The following NAP1L1 variants were observed in gnomAD, a reference collection of about 807,000 sequenced individuals.
NAP1L1 encodes nucleosome assembly protein 1-like 1.
A neutral mutation model predicts 58.9 loss-of-function variants in NAP1L1; 9 were observed. The observed-to-expected ratio is 0.15, with a 90% confidence interval of 0.09 to 0.27. NAP1L1 has a LOEUF of 0.27. NAP1L1 is among the 10% of genes least tolerant of loss of function. The pLI is 1.00. For missense variants in NAP1L1, 302 were observed against 458.8 expected (o/e 0.66, Z 3.12); for synonymous variants, 130 against 138.3 (o/e 0.94, Z 0.42).
chr12:76,067,842 T>C (rs920748940), intron 3 of NAP1L1, among the ~76,000 whole-genome samples: 3 of 152,198 alleles, frequency 2.0e-5, no homozygotes, highest in Non-Finnish European at 2.9e-5. Flanking sequence ...AGACAACACA[T>C]ATCAGAAAAC....
At chr12:76,066,084 TGGA>T (rs926368118) in intron 4 of NAP1L1, among the ~76,000 whole-genome samples, 9 of 145,016 alleles carry the variant, frequency 6.2e-5, no homozygotes, top group Admixed American at 2.1e-4. Flanking sequence ...CTCATGTCAC[TGGA>T]GGAGGACCCA....
Position 76,068,957 on chromosome 12 carries a change from C to T in NAP1L1, c.55G>A (p.Val19Ile), listed in dbSNP as rs1176327761. 1 of 1,613,318 alleles carries T rather than the reference C, an allele frequency of 6.2e-7. No homozygotes were observed. The highest frequency in any genetic ancestry group is 1.3e-5 in the African/African-American group (1 of 74,884). ...GTTTCCTCTTCTTCTACTTCTTCAA[C>T]ATCATCCAAATCTTGATCAAGTTCA... ...QSELDQDLDD[V>I]EEVEEEETGE... Residue 19 changes from valine to isoleucine, a missense_variant, in exon 3 of 15, where the codon GTT (valine) becomes ATT (isoleucine). Transcript: ENST00000618691.
intron 2 of NAP1L1, among the ~76,000 whole-genome samples, chr12:76,071,398 G>A (rs1451556905): frequency 6.6e-6 from 1 of 152,190 alleles, no homozygotes; most frequent in African/African-American, 2.4e-5. Flanking sequence ...GCAAAGTTAA[G>A]ATGGCAGATG....
chr12:76,072,119 C>G (rs1323081810), intron 2 of NAP1L1, among the ~76,000 whole-genome samples: 1 of 150,182 alleles, frequency 6.7e-6, no homozygotes, highest in Non-Finnish European at 1.5e-5. Context: ...TCCCTACACC[C>G]CACCCAATCC....
At position 76,040,796 on chromosome 12, in the gene NAP1L1, C is replaced by T. The variant is rs1353730717; in HGVS notation, c.*7633G>A. The T allele has an allele frequency of 6.6e-6, 1 of 152,256 alleles. No individual in the cohort carries two copies. Among genetic ancestry groups the T allele is most frequent in the Non-Finnish European group, 1.5e-5 (1 of 68,062 alleles). 9.4% of individuals were successfully genotyped at this position (152,256 alleles called of 1,614,324 possible). ...CAGGCTGGTCTCGAACTTGTAACCT[C>T]AAGTCACTGGCCCGCCTCAGCCTCC... On this transcript the variant is annotated 3_prime_UTR_variant, in exon 15 of 15. Coordinates refer to ENST00000618691, the MANE Select transcript of NAP1L1 (RefSeq NM_004537.7).
chr12:76,069,779 GAGA>G (rs1164799031), intron 2 of NAP1L1, among the ~76,000 whole-genome samples: 7 of 151,578 alleles, frequency 4.6e-5, no homozygotes, highest in Non-Finnish European at 1.0e-4. Flanking sequence ...ACCATTCAAA[GAGA>G]AGGTTAAAAA....
At position 76,074,207 on chromosome 12, in the gene NAP1L1, C is replaced by T. The variant is rs781266736; in HGVS notation, c.13G>A (p.Asp5Asn). 6.2e-7 allele frequency: 1 copy of T among 1,601,304 alleles called. No individual in the cohort carries two copies. Among genetic ancestry groups the T allele is most frequent in the Non-Finnish European group, 8.5e-7 (1 of 1,172,820 alleles). The part of the protein sequence containing the change: MADI[D>N]NKEQSELDQD... ...AACCAACTCTCTGCCACTTACTTGT[C>T]AATGTCTGCCATGTTGTAAGAACTC... Residue 5 changes from aspartate to asparagine, a missense_variant, in exon 2 of 15, where the codon GAC becomes AAC. Transcript: ENST00000618691.
chr12:76,049,687 A>G (rs55789901), intron 13 of NAP1L1, 69 bp downstream of exon 13: 17,451 of 1,579,600 alleles, frequency 0.011, 134 homozygotes, highest in Middle Eastern at 0.045. Context: ...AAAGGAATAC[A>G]TAAGTCATTC....
At chr12:76,059,660 A>G in intron 6 of NAP1L1, 138 bp downstream of exon 6, 2 of 635,452 alleles carry the variant, frequency 3.1e-6, no homozygotes, top group Non-Finnish European at 5.4e-6. Context: ...AAAAACGTGT[A>G]ATAAAGACGT....
intron 14 of NAP1L1, among the ~76,000 whole-genome samples, chr12:76,048,726 TTA>T (rs1948688976): frequency 1.3e-5 from 2 of 152,186 alleles, no homozygotes; most frequent in Admixed American, 1.3e-4. Context: ...ACCAAGCAAT[TTA>T]TGTTAGTTAT....
At chr12:76,076,592 A>ATATC (rs1565747788) in intron 1 of NAP1L1, among the ~76,000 whole-genome samples, 6 of 139,698 alleles carry the variant, frequency 4.3e-5, no homozygotes, top group South Asian at 2.3e-4. Flanking sequence ...ATATATATAT[A>ATATC]TCTCCACTCA....
chr12:76,059,696 C>A, intron 6 of NAP1L1, 102 bp downstream of exon 6: 1 of 757,206 alleles, frequency 1.3e-6, no homozygotes, highest in Non-Finnish European at 2.2e-6. Flanking sequence ...AAAAATACAA[C>A]TGGTTATATA....
intron 1 of NAP1L1, among the ~76,000 whole-genome samples, chr12:76,075,000 T>G (rs1950116412): frequency 6.6e-6 from 1 of 152,174 alleles, no homozygotes; most frequent in Non-Finnish European, 1.5e-5. Flanking sequence ...CTAAGTTCCT[T>G]CTCACTAAAA....
intron 1 of NAP1L1, among the ~76,000 whole-genome samples, chr12:76,080,292 T>G (rs1950351846): frequency 6.6e-6 from 1 of 152,238 alleles, no homozygotes; most frequent in South Asian, 2.1e-4. Context: ...AGTATGGCAC[T>G]TACAATTATT....
At chr12:76,062,809 T>C (rs1378052974) in intron 4 of NAP1L1, among the ~76,000 whole-genome samples, 1 of 152,206 alleles carries the variant, frequency 6.6e-6, no homozygotes, top group African/African-American at 2.4e-5. Flanking sequence ...GATACATTTC[T>C]CAGCATTAAA....
chr12:76,053,098 C>T lies in NAP1L1; in HGVS notation c.929G>A (p.Gly310Glu). Residue 310 changes from glycine (G) to glutamate (E), a missense_variant, in exon 11 of 15, where the codon GGA becomes GAA. Physicochemically the swap from Gly to Glu is moderately conservative, Grantham distance 98. Coordinates refer to ENST00000618691, the MANE Select transcript of NAP1L1 (RefSeq NM_004537.7). ...FFAPPEVPES[G>E]DLDDDAEAIL... is the part of the protein sequence containing the mutation. ...TATAACAATTCAACTTACCAGATCTCCACTCTCAGGAACTGCAAAATTGAG... is the reference window on the plus strand; with the variant it reads ...TATAACAATTCAACTTACCAGATCTTCACTCTCAGGAACTGCAAAATTGAG... 1 of 1,609,174 alleles carries T rather than the reference C, an allele frequency of 6.2e-7. No individual in the cohort carries two copies. Among genetic ancestry groups the T allele is most frequent in the Non-Finnish European group, 8.5e-7 (1 of 1,177,060 alleles).
chr12:76,062,707 GAC>G (rs1949473037), intron 4 of NAP1L1, among the ~76,000 whole-genome samples: 1 of 152,190 alleles, frequency 6.6e-6, no homozygotes, highest in African/African-American at 2.4e-5. Flanking sequence ...CAGCATGAAA[GAC>G]AGATGGAAAA....
chr12:76,081,736 T>G (rs776986423), intron 1 of NAP1L1, among the ~76,000 whole-genome samples: 4 of 152,244 alleles, frequency 2.6e-5, no homozygotes, highest in Non-Finnish European at 5.9e-5. Flanking sequence ...TCTAATGTTC[T>G]GTAGTCATTG....
chr12:76,076,240 C>G (rs1592698667), intron 1 of NAP1L1, among the ~76,000 whole-genome samples: 1 of 152,254 alleles, frequency 6.6e-6, no homozygotes, highest in East Asian at 1.9e-4. Context: ...TGGTTGTACA[C>G]ACACTCCTAT....
Sources: allele counts gnomAD v4.1 joint callset (sites outside exome capture counted in the v4.1 genomes callset), GRCh38; gene constraint gnomAD v4.1.1; transcripts MANE v1.5; gene names NCBI Gene and HGNC (gene_info 2026-07-23, HGNC 2026-07-21).